DMXL1: variants seen among roughly 807,000 people sequenced by gnomAD.
DMXL1 encodes Dmx like 1.
DMXL1 carries 99 observed loss-of-function variants against 319.2 expected under a neutral mutation model. That is an observed-to-expected ratio of 0.31 (90% CI 0.26 to 0.37). The LOEUF (loss-of-function observed/expected upper bound fraction) is 0.37. Among genes scored for constraint, DMXL1 ranks in the 10% least tolerant of loss-of-function variants. DMXL1 has a pLI of 1.00. For synonymous variants in DMXL1, 1,385 were observed against 1,235.2 expected, an observed-to-expected ratio of 1.12 and a Z score of -2.54; for missense variants, 3,745 against 3,595.6, an observed-to-expected ratio of 1.04 and a Z score of -1.06.
At chr5:119,241,076 A>G (rs918502261) in intron 42 of DMXL1, among the ~76,000 whole-genome samples, 1 of 152,174 alleles carries the variant, frequency 6.6e-6, no homozygotes, top group Non-Finnish European at 1.5e-5. Context: ...CCTAGTGTTT[A>G]CTGGATACCT....
chr5:119,178,197 G>C lies in DMXL1; in HGVS notation c.7088G>C (p.Gly2363Ala). 1.2e-6 allele frequency: 2 copies of C among 1,613,854 alleles called. No individual in the cohort carries two copies. The highest frequency in any genetic ancestry group is 2.2e-5 in the South Asian group (2 of 91,070). The stretch of plus-strand genomic sequence containing the variant: ...ATGTGGTCTGCTGTGTTTGGTGGAG[G>C]TGCACATGTTCCTAGCAAAGAACAG... ...EKMWSAVFGG[G>A]AHVPSKEQTH... The change falls in exon 28 of 44, where the codon GGT (glycine) becomes GCT (alanine). Residue 2363 changes from glycine to alanine, a missense_variant. Around this residue, in one of 4 missense-constraint regions of DMXL1, gnomAD observed 1,382 missense variants for 1,269.5 expected, o/e 1.09. Transcript: ENST00000539542.
At chr5:119,200,285 T>C (rs1780460396) in intron 32 of DMXL1, among the ~76,000 whole-genome samples, 1 of 152,214 alleles carries the variant, frequency 6.6e-6, no homozygotes, top group Admixed American at 6.5e-5. Flanking sequence ...TTCAATCTTC[T>C]GCATTTGGCT....
rs1450945801 is a variant in DMXL1 at position 119,206,853 on chromosome 5, A to C, written c.7883A>C (p.Glu2628Ala). Residue 2628 changes from glutamate to alanine, a missense_variant, in exon 34 of 44, where the codon GAA becomes GCA. Around this residue, in one of 4 missense-constraint regions of DMXL1, gnomAD observed 1,382 missense variants for 1,269.5 expected, o/e 1.09. Transcript: ENST00000539542. ...CLNESLEDNS[E>A]TIKNSMMEEP... ...ATGAAGTCATTAGAGGACAACAGTGAAACCATCAAAAATTCTATGATGGAG... is the reference window on the plus strand; with the variant it reads ...ATGAAGTCATTAGAGGACAACAGTGCAACCATCAAAAATTCTATGATGGAG... 7.2e-6 allele frequency: 11 copies of C among 1,529,066 alleles called. No homozygotes were observed. Among genetic ancestry groups the C allele is most frequent in the Non-Finnish European group, 8.8e-7 (1 of 1,142,218 alleles). The allele number at this position is 1,529,066 out of a possible 1,614,324, so 94.7% of individuals were successfully genotyped here. A position where few individuals can be genotyped will look rare whatever the true frequency, so the allele number is the denominator to read the frequency against.
chr5:119,224,013 ATCAATATATGTGTT>A (rs1249490497), intron 37 of DMXL1, among the ~76,000 whole-genome samples: 3 of 152,276 alleles, frequency 2.0e-5, no homozygotes, highest in Admixed American at 6.5e-5. Context: ...GTATAACTGC[ATCAATATATGTGTT>A]TCAGTTTTAT....
intron 1 of DMXL1, among the ~76,000 whole-genome samples, chr5:119,085,246 G>T (rs538389063): frequency 7.2e-5 from 11 of 151,862 alleles, no homozygotes; most frequent in East Asian, 1.9e-4. Flanking sequence ...CGTGAGAATC[G>T]CTTGAACCCG....
chr5:119,123,393 A>AG (rs1762725396), intron 9 of DMXL1, among the ~76,000 whole-genome samples: 1 of 32,078 alleles, frequency 3.1e-5, no homozygotes. Flanking sequence ...GAGGAGGGAG[A>AG]GGAGGGGGAG....
intron 40 of DMXL1, 22 bp from the exon 41 acceptor site, chr5:119,238,967 G>T (rs368755925): frequency 6.2e-7 from 1 of 1,612,902 alleles, no homozygotes; most frequent in Non-Finnish European, 8.5e-7. Flanking sequence ...GGAGTAACAC[G>T]TATTGTTTGT....
At chr5:119,154,958 C>G (rs944066374) in intron 19 of DMXL1, among the ~76,000 whole-genome samples, 5 of 152,116 alleles carry the variant, frequency 3.3e-5, no homozygotes, top group African/African-American at 1.2e-4. Context: ...CCTATTCTGC[C>G]TGCGCTCTAC....
intron 28 of DMXL1, among the ~76,000 whole-genome samples, chr5:119,183,215 A>G (rs1191223454): frequency 1.3e-5 from 2 of 152,206 alleles, no homozygotes; most frequent in African/African-American, 2.4e-5. Context: ...TTTTTCTTAT[A>G]AAACTTGTGT....
chr5:119,101,963 C>A lies in DMXL1; in HGVS notation c.242C>A (p.Ser81Tyr). 1 of 1,605,290 alleles carries A rather than the reference C, an allele frequency of 6.2e-7. No homozygotes were observed. The highest frequency in any genetic ancestry group is 8.5e-7 in the Non-Finnish European group (1 of 1,175,990). The part of the protein sequence containing the change: ...KIAASYGNVI[S>Y]IFEPVNLPKQ... ...GCAGCGTCTTATGGAAATGTTATCT[C>A]CATTTTTGAACCAGTTAACCTACCA... The change falls in exon 3 of 44, where the codon TCC (serine) becomes TAC (tyrosine). Residue 81 changes from serine to tyrosine, a missense_variant. This residue lies in a region of DMXL1 where 2,096 missense variants were observed against 1,985.4 expected (regional missense o/e 1.06). Transcript: ENST00000539542.
chr5:119,081,873 A>G (rs1315702844), intron 1 of DMXL1, among the ~76,000 whole-genome samples: 4 of 152,000 alleles, frequency 2.6e-5, no homozygotes, highest in African/African-American at 7.2e-5. Flanking sequence ...GGGTCCTGCT[A>G]TCTAAAAATA....
chr5:119,109,874 A>T (rs188425623), intron 4 of DMXL1, among the ~76,000 whole-genome samples: 1 of 152,094 alleles, frequency 6.6e-6, no homozygotes, highest in East Asian at 1.9e-4. Flanking sequence ...AAAAACGACA[A>T]TGTTTTGTTT....
intron 33 of DMXL1, among the ~76,000 whole-genome samples, chr5:119,203,989 A>G (rs1309835896): frequency 6.6e-6 from 1 of 151,318 alleles, no homozygotes; most frequent in Non-Finnish European, 1.5e-5. Flanking sequence ...CGCCCAACTA[A>G]TTTTTTGTAT....
rs955245962 is a variant in DMXL1, at chr5:119,203,344, G to A, written c.7771G>A (p.Val2591Met). ...ATCCAAACACCATCTGGCACTGTCT[G>A]TGAAGAGGCTTTGGCAGTATTTGGT... ...FKSKHHLALS[V>M]KRLWQYLVKQ... is the part of the protein sequence containing the mutation. Residue 2591 changes from valine (V) to methionine (M), a missense_variant, in exon 33 of 44, where the codon GTG (valine) becomes ATG (methionine). Physicochemically the swap from Val to Met is conservative, Grantham distance 21 (BLOSUM62 1). Around this residue, in one of 4 missense-constraint regions of DMXL1, gnomAD observed 1,382 missense variants for 1,269.5 expected, o/e 1.09. Coordinates refer to ENST00000539542, the MANE Select transcript of DMXL1 (RefSeq NM_001290321.3). 6.2e-7 allele frequency: 1 copy of A among 1,602,066 alleles called. No individual in the cohort carries two copies. Among genetic ancestry groups the A allele is most frequent in the Non-Finnish European group, 8.5e-7 (1 of 1,175,442 alleles).
intron 24 of DMXL1, 136 bp from the exon 25 acceptor site, chr5:119,171,642 C>T (rs968500407): frequency 1.7e-5 from 11 of 645,452 alleles, no homozygotes; most frequent in Middle Eastern, 5.5e-4. Context: ...TCTTCACATC[C>T]CTTCTAACTC....
chr5:119,172,074 A>C (rs112857876), intron 25 of DMXL1, 105 bp downstream of exon 25: 55,241 of 1,058,016 alleles, frequency 0.052, 1,719 homozygotes, highest in South Asian at 0.072. Context: ...CAGACTAAGC[A>C]TAGCAATTGT....
rs2149791083 is a variant in DMXL1 at position 119,099,946 on chromosome 5, A to G, written c.213+1842A>G. On this transcript the variant is annotated intron_variant, in intron 2 of 43. Transcript: ENST00000539542. ...AGCCCAGGAGTTCCAGGCTGCAGTC[A>G]GCTCTGGTGGCACCACTGCACTGCA... 1.3e-5 allele frequency among the ~76,000 whole-genome samples: 2 copies of G among 152,282 alleles called. 1 individual carries two copies. The highest frequency in any genetic ancestry group is 2.9e-5 in the Non-Finnish European group (2 of 68,022).
chr5:119,213,829 C>G (rs1014702828), intron 34 of DMXL1, among the ~76,000 whole-genome samples: 5 of 152,198 alleles, frequency 3.3e-5, no homozygotes, highest in Non-Finnish European at 7.3e-5. Context: ...AATTATCTAT[C>G]TTCATATGAT....
chr5:119,207,614 G>T (rs910412162), intron 34 of DMXL1, among the ~76,000 whole-genome samples: 20 of 152,230 alleles, frequency 1.3e-4, no homozygotes, highest in Admixed American at 3.3e-4. Context: ...TGCCCCCCAG[G>T]TTCAAGCGAT....
Sources: gnomAD v4.1 joint callset for allele counts (sites outside exome capture counted in the v4.1 genomes callset) on GRCh38, gnomAD v4.1.1 for gene constraint, gnomAD v4.1.1 regional missense constraint, MANE v1.5 for transcripts, NCBI Gene and HGNC (gene_info 2026-07-23, HGNC 2026-07-21) for gene names.